Variants in FBXL17 observed in about 807,000 individuals in gnomAD.
FBXL17 encodes F-box and leucine rich repeat protein 17, also known as F-box/LRR-repeat protein 17.
Under a neutral mutation model 66.2 loss-of-function variants are expected in FBXL17, and 22 were observed. That is an observed-to-expected ratio of 0.33 (90% CI 0.24 to 0.47). The LOEUF is 0.47. Among genes scored for constraint, FBXL17 ranks in the 20% least tolerant of loss-of-function variants. The pLI is 1.00. For synonymous variants in FBXL17, 474 were observed against 400.5 expected (o/e 1.18, Z -2.19); for missense variants, 878 against 948.2 (o/e 0.93, Z 0.97).
At chr5:108,217,989 T>C (rs534458993) in intron 5 of FBXL17, among the ~76,000 whole-genome samples, 1 of 151,702 alleles carries the variant, frequency 6.6e-6, no homozygotes, top group Non-Finnish European at 1.5e-5. Flanking sequence ...CCATTGTGTG[T>C]ATATACCATA....
intron 6 of FBXL17, among the ~76,000 whole-genome samples, chr5:108,067,686 T>C (rs1748169497): frequency 6.6e-6 from 1 of 152,148 alleles, no homozygotes. Context: ...TATGATTTCT[T>C]AAGGGGTGGA....
chr5:108,041,571 C>T (rs1457373239), intron 6 of FBXL17, among the ~76,000 whole-genome samples: 1 of 151,924 alleles, frequency 6.6e-6, no homozygotes, highest in Non-Finnish European at 1.5e-5. Context: ...CACATGCCAC[C>T]ACATCTGGCT....
chr5:108,104,286 C>T (rs1749708135), intron 6 of FBXL17, among the ~76,000 whole-genome samples: 1 of 152,206 alleles, frequency 6.6e-6, no homozygotes, highest in Admixed American at 6.5e-5. Flanking sequence ...ATCTGCCTGC[C>T]TTGGCCTCCC....
intron 6 of FBXL17, among the ~76,000 whole-genome samples, chr5:108,172,599 T>C (rs1256850186): frequency 6.6e-6 from 1 of 152,184 alleles, no homozygotes; most frequent in Non-Finnish European, 1.5e-5. Flanking sequence ...TTCCCCAACA[T>C]GAAGTAATAT....
chr5:107,890,134 C>T (rs1305155732), intron 7 of FBXL17, among the ~76,000 whole-genome samples: 3 of 152,172 alleles, frequency 2.0e-5, no homozygotes, highest in South Asian at 2.1e-4. Flanking sequence ...TGCATAAATA[C>T]ATATATTACT....
At chr5:108,029,696 G>T (rs1448498642) in intron 6 of FBXL17, among the ~76,000 whole-genome samples, 1 of 151,788 alleles carries the variant, frequency 6.6e-6, no homozygotes, top group African/African-American at 2.4e-5. Context: ...ACAATAAAAG[G>T]CATCAACCAA....
intron 7 of FBXL17, among the ~76,000 whole-genome samples, chr5:108,019,340 T>C (rs1754499526): frequency 6.6e-6 from 1 of 152,184 alleles, no homozygotes; most frequent in Non-Finnish European, 1.5e-5. Flanking sequence ...CATTTCTTTT[T>C]GTACTTGATA....
chr5:108,303,706 G>A (rs1758706942), intron 4 of FBXL17, among the ~76,000 whole-genome samples: 1 of 151,718 alleles, frequency 6.6e-6, no homozygotes, highest in Non-Finnish European at 1.5e-5. Context: ...ATCTGCAAAG[G>A]TCAAAAATAT....
At chr5:107,928,552 A>G (rs979020737) in intron 7 of FBXL17, among the ~76,000 whole-genome samples, 41 of 152,076 alleles carry the variant, frequency 2.7e-4, no homozygotes, top group African/African-American at 9.4e-4. Context: ...ACCTGGTAAT[A>G]TTACTTCTAA....
rs1747426738 is a variant in FBXL17 at position 108,348,527 on chromosome 5, C to G, written c.1378G>C (p.Gly460Arg). 1 of 1,610,632 alleles carries G rather than the reference C, an allele frequency of 6.2e-7. No homozygotes were observed. The highest frequency in any genetic ancestry group is 8.5e-7 in the Non-Finnish European group (1 of 1,177,836). ...KLTDEGLKQL[G>R]SKCRELKDIH... The stretch of plus-strand genomic sequence containing the variant: ...TCTTTGAGTTCTCTGCATTTTGAGC[C>G]CAGCTGTAAACAAACAGATTTAGCT... The change falls in exon 4 of 9, where the codon GGC becomes CGC. Residue 460 changes from glycine to arginine, a missense_variant. Coordinates refer to ENST00000542267, the MANE Select transcript of FBXL17 (RefSeq NM_001163315.3).
At chr5:108,362,016 C>T (rs1363000662) in intron 3 of FBXL17, among the ~76,000 whole-genome samples, 1 of 152,144 alleles carries the variant, frequency 6.6e-6, no homozygotes, top group Non-Finnish European at 1.5e-5. Flanking sequence ...TCTTGTCTAG[C>T]ATTCCTTTGG....
rs547082257 is a variant in FBXL17, at chr5:108,161,427, A to T, written c.1745+24690T>A. Among the ~76,000 whole-genome samples the T allele has an allele frequency of 1.8e-3, 279 of 152,322 alleles. 1 individual carries two copies. Among genetic ancestry groups the T allele is most frequent in the African/African-American group, 6.5e-3 (272 of 41,580 alleles). On this transcript the variant is annotated intron_variant, in intron 6 of 8. Transcript: ENST00000542267. ...CTTGAACCCGGGAGGCGGAGGTTGCAGCGAGCTGAGATCGTGCCACTGCAC... is the reference window on the plus strand; with the variant it reads ...CTTGAACCCGGGAGGCGGAGGTTGCTGCGAGCTGAGATCGTGCCACTGCAC...
chr5:108,017,632 G>C (rs1403853125), intron 7 of FBXL17, among the ~76,000 whole-genome samples: 1 of 152,160 alleles, frequency 6.6e-6, no homozygotes, highest in African/African-American at 2.4e-5. Context: ...AAGTGGCAAA[G>C]CTGGAATTTT....
At chr5:108,310,750 T>C (rs1759075118) in intron 4 of FBXL17, among the ~76,000 whole-genome samples, 1 of 152,208 alleles carries the variant, frequency 6.6e-6, no homozygotes, top group Non-Finnish European at 1.5e-5. Context: ...ATTACACCAC[T>C]ACTTAAGCAT....
chr5:108,366,892 C>T (rs1376421631), intron 2 of FBXL17, among the ~76,000 whole-genome samples: 1 of 152,138 alleles, frequency 6.6e-6, no homozygotes, highest in Non-Finnish European at 1.5e-5. Flanking sequence ...CAAACACATA[C>T]ACTACCAGTG....
At chr5:108,197,174 T>G (rs139540705) in intron 5 of FBXL17, among the ~76,000 whole-genome samples, 1 of 152,326 alleles carries the variant, frequency 6.6e-6, no homozygotes, top group East Asian at 1.9e-4. Flanking sequence ...AAACAGCACT[T>G]AAAGTTAGCA....
intron 6 of FBXL17, among the ~76,000 whole-genome samples, chr5:108,157,074 G>T (rs1031823444): frequency 2.7e-5 from 4 of 149,718 alleles, no homozygotes; most frequent in Non-Finnish European, 5.9e-5. Flanking sequence ...AAACACAAGA[G>T]TTAGATCTAG....
At chr5:108,095,222 C>A (rs1191394138) in intron 6 of FBXL17, among the ~76,000 whole-genome samples, 1 of 151,276 alleles carries the variant, frequency 6.6e-6, no homozygotes, top group Non-Finnish European at 1.5e-5. Flanking sequence ...GGTCCCAAAT[C>A]AACTTTTATA....
At chr5:108,138,484 G>C (rs1349886679) in intron 6 of FBXL17, among the ~76,000 whole-genome samples, 1 of 152,094 alleles carries the variant, frequency 6.6e-6, no homozygotes, top group Non-Finnish European at 1.5e-5. Context: ...GTACAATTGG[G>C]CCTGATATTA....
Sources: allele counts gnomAD v4.1 joint callset (sites outside exome capture counted in the v4.1 genomes callset), GRCh38; gene constraint gnomAD v4.1.1; transcripts MANE v1.5; gene names NCBI Gene and HGNC (gene_info 2026-07-23, HGNC 2026-07-21).